Variants in SEC24D observed in about 807,000 individuals in gnomAD.
SEC24D encodes protein transport protein Sec24D.
SEC24D carries 69 observed loss-of-function variants against 116.9 expected under a neutral mutation model. That is an observed-to-expected ratio of 0.59 (90% CI 0.49 to 0.72). The LOEUF (loss-of-function observed/expected upper bound fraction) is 0.72, where lower values mean the gene tolerates loss of function less well. SEC24D is among the 30% of genes least tolerant of loss of function. SEC24D has a pLI of 0.00. For missense variants in SEC24D, 1,131 were observed against 1,264.1 expected, an observed-to-expected ratio of 0.89 and a Z score of 1.60; for synonymous variants, 405 against 442.8, an observed-to-expected ratio of 0.91 and a Z score of 1.07.
intron 6 of SEC24D, among the ~76,000 whole-genome samples, chr4:118,807,459 T>C (rs980963147): frequency 6.6e-6 from 1 of 151,932 alleles, no homozygotes; most frequent in Non-Finnish European, 1.5e-5. Context: ...CCCTCACTTC[T>C]TTCTTCATAA....
chr4:118,786,364 A>G (rs559443554), intron 8 of SEC24D, among the ~76,000 whole-genome samples: 9 of 152,142 alleles, frequency 5.9e-5, no homozygotes, highest in Admixed American at 2.0e-4. Flanking sequence ...CCTTTTATTC[A>G]ATGGGAACTT....
chr4:118,798,944 T>C (rs1438963906), intron 7 of SEC24D, among the ~76,000 whole-genome samples: 2 of 152,176 alleles, frequency 1.3e-5, no homozygotes, highest in African/African-American at 4.8e-5. Flanking sequence ...CCAGATGAGG[T>C]AGACTCTTGA....
intron 2 of SEC24D, among the ~76,000 whole-genome samples, chr4:118,827,944 G>GT (rs917415655): frequency 3.9e-5 from 6 of 152,040 alleles, no homozygotes; most frequent in African/African-American, 1.2e-4. Context: ...CATTTGTTGG[G>GT]GGGGGAAAAT....
chr4:118,736,824 TATAATC>T (rs1578381925), intron 19 of SEC24D, among the ~76,000 whole-genome samples: 1 of 152,234 alleles, frequency 6.6e-6, no homozygotes, highest in African/African-American at 2.4e-5. Context: ...AGAGAAAATT[TATAATC>T]ATAATGTTTT....
chr4:118,825,500 T>C (rs974069898), intron 2 of SEC24D: 6 of 446,288 alleles, frequency 1.3e-5, no homozygotes, highest in African/African-American at 2.0e-5. Context: ...TCTTGAGAAA[T>C]TGCAGTAAAG....
intron 13 of SEC24D, among the ~76,000 whole-genome samples, chr4:118,745,545 T>C (rs1472686579): frequency 2.0e-5 from 3 of 152,202 alleles, no homozygotes; most frequent in African/African-American, 7.2e-5. Context: ...AACGTAGTGG[T>C]GGTGTGGCAA....
intron 22 of SEC24D, 114 bp downstream of exon 22, chr4:118,728,447 G>A (rs921163884): frequency 1.9e-4 from 120 of 633,518 alleles, no homozygotes; most frequent in Non-Finnish European, 2.7e-4. Flanking sequence ...GATTTGTGAT[G>A]GTGTGAGTTT....
chr4:118,801,227 A>C (rs1578451464), intron 7 of SEC24D, among the ~76,000 whole-genome samples: 1 of 151,018 alleles, frequency 6.6e-6, no homozygotes, highest in African/African-American at 2.4e-5. Context: ...GCGCCACTGT[A>C]CTCCAGCCTG....
intron 22 of SEC24D, among the ~76,000 whole-genome samples, chr4:118,725,048 T>C (rs1725336297): frequency 1.3e-5 from 2 of 151,508 alleles, no homozygotes; most frequent in Admixed American, 1.3e-4. Flanking sequence ...AGAGTAACTC[T>C]GTCAACACCA....
chr4:118,795,785 A>C (rs1729154273), intron 8 of SEC24D, among the ~76,000 whole-genome samples: 1 of 152,156 alleles, frequency 6.6e-6, no homozygotes, highest in Non-Finnish European at 1.5e-5. Flanking sequence ...GGGGTCGCCT[A>C]GGAAAGGGCA....
At chr4:118,788,028 AG>A (rs1419276197) in intron 8 of SEC24D, among the ~76,000 whole-genome samples, 1 of 152,194 alleles carries the variant, frequency 6.6e-6, no homozygotes, top group South Asian at 2.1e-4. Context: ...TATGTTGCCC[AG>A]GCTGGTCTCA....
At chr4:118,828,555 C>G (rs1730689847) in intron 2 of SEC24D, among the ~76,000 whole-genome samples, 1 of 152,112 alleles carries the variant, frequency 6.6e-6, no homozygotes, top group Non-Finnish European at 1.5e-5. Context: ...CTACTGGCAT[C>G]CAGTGGATAG....
intron 2 of SEC24D, among the ~76,000 whole-genome samples, chr4:118,826,521 G>A (rs1387991162): frequency 1.3e-5 from 2 of 151,872 alleles, no homozygotes; most frequent in African/African-American, 4.8e-5. Flanking sequence ...ACATTATTTT[G>A]GACAAAAGTA....
chr4:118,742,292 C>T (rs1214188855), intron 15 of SEC24D, among the ~76,000 whole-genome samples: 1 of 151,796 alleles, frequency 6.6e-6, no homozygotes, highest in Non-Finnish European at 1.5e-5. Context: ...CACACCAGTA[C>T]ATAGCAAAGG....
At chr4:118,823,596 G>C (rs577851387) in intron 3 of SEC24D, among the ~76,000 whole-genome samples, 21 of 152,294 alleles carry the variant, frequency 1.4e-4, no homozygotes, top group African/African-American at 4.1e-4. Context: ...CTTGGCACTG[G>C]CTTGGCACAG....
chr4:118,760,447 A>G (rs1727318460), intron 10 of SEC24D: 1 of 152,208 alleles, frequency 6.6e-6, no homozygotes, highest in Non-Finnish European at 1.5e-5. Context: ...TTTACTTAGC[A>G]TAACATCCTC....
intron 8 of SEC24D, among the ~76,000 whole-genome samples, chr4:118,793,466 C>T (rs1303731453): frequency 1.4e-5 from 1 of 69,292 alleles, no homozygotes; most frequent in Non-Finnish European, 2.6e-5. Flanking sequence ...GACTCCGTCT[C>T]AAAAAAAAAA....
At chr4:118,807,960 G>C (rs1729746205) in intron 6 of SEC24D, among the ~76,000 whole-genome samples, 1 of 152,128 alleles carries the variant, frequency 6.6e-6, no homozygotes, top group African/African-American at 2.4e-5. Context: ...ATTAAAAATA[G>C]AGTTGTTTTT....
intron 7 of SEC24D, among the ~76,000 whole-genome samples, chr4:118,805,000 T>G (rs972879376): frequency 2.6e-5 from 4 of 151,836 alleles, no homozygotes; most frequent in Non-Finnish European, 5.9e-5. Context: ...TCTCCACATA[T>G]TACTGAGGGT....
Sources: allele counts gnomAD v4.1 joint callset (sites outside exome capture counted in the v4.1 genomes callset), GRCh38; gene constraint gnomAD v4.1.1; transcripts MANE v1.5; gene names NCBI Gene and HGNC (gene_info 2026-07-23, HGNC 2026-07-21).